Variants in NBEA observed in about 807,000 individuals in gnomAD.
NBEA encodes neurobeachin, also known as lysosomal-trafficking regulator 2.
NBEA carries 44 observed loss-of-function variants against 343.4 expected under a neutral mutation model. That is an observed-to-expected ratio of 0.13 (90% confidence interval 0.10 to 0.16). The LOEUF is 0.16. Among genes scored for constraint, NBEA ranks in the 10% least tolerant of loss-of-function variants. The pLI is 1.00. For missense variants in NBEA, 2,555 were observed against 3,631.3 expected (o/e 0.70, Z 7.62); for synonymous variants, 1,175 against 1,238.7 (o/e 0.95, Z 1.08).
At chr13:35,479,083 C>T (rs894001125) in intron 41 of NBEA, among the ~76,000 whole-genome samples, 7 of 152,238 alleles carry the variant, frequency 4.6e-5, no homozygotes, top group Non-Finnish European at 1.0e-4. Flanking sequence ...TAACGATTTG[C>T]ACTTTGAGAA....
chr13:35,094,979 A>G (rs775634595), intron 10 of NBEA, among the ~76,000 whole-genome samples: 43 of 151,888 alleles, frequency 2.8e-4, no homozygotes, highest in Non-Finnish European at 4.3e-4. Flanking sequence ...CTTCTTAATA[A>G]AAAGGTGTTT....
chr13:35,407,522 A>AC (rs2043336383), intron 38 of NBEA, among the ~76,000 whole-genome samples: 1 of 151,978 alleles, frequency 6.6e-6, no homozygotes, highest in Admixed American at 6.6e-5. Context: ...CATTTCAAAA[A>AC]AAAAAAAAAA....
chr13:35,037,610 G>T (rs1299603051), intron 1 of NBEA, among the ~76,000 whole-genome samples: 2 of 152,258 alleles, frequency 1.3e-5, no homozygotes, highest in East Asian at 1.9e-4. Flanking sequence ...ATGGTTTTGG[G>T]CAAGATCTGG....
chr13:35,491,751 A>G (rs931725690), intron 41 of NBEA, among the ~76,000 whole-genome samples: 1 of 151,976 alleles, frequency 6.6e-6, no homozygotes, highest in Non-Finnish European at 1.5e-5. Flanking sequence ...GCTAGGGAAC[A>G]TAGCTTCTCA....
chr13:35,606,671 A>G, intron 48 of NBEA, 93 bp downstream of exon 48: 4 of 959,420 alleles, frequency 4.2e-6, no homozygotes, highest in Non-Finnish European at 5.7e-6. Context: ...TAATATTACC[A>G]ATTATACTTA....
intron 41 of NBEA, among the ~76,000 whole-genome samples, chr13:35,518,884 G>A (rs2077588988): frequency 1.3e-5 from 2 of 152,164 alleles, no homozygotes; most frequent in South Asian, 2.1e-4. Flanking sequence ...CACTGCATGT[G>A]CTGCTGTGCA....
chr13:35,409,625 A>T, intron 38 of NBEA, among the ~76,000 whole-genome samples: 1 of 152,202 alleles, frequency 6.6e-6, no homozygotes, highest in Non-Finnish European at 1.5e-5. Flanking sequence ...ATAAGTTATC[A>T]TACTTTAACC....
At chr13:35,440,148 G>A (rs1205288507) in intron 39 of NBEA, among the ~76,000 whole-genome samples, 1 of 152,178 alleles carries the variant, frequency 6.6e-6, no homozygotes, top group African/African-American at 2.4e-5. Flanking sequence ...CCAAAGTGCT[G>A]GGGTTACAGG....
At chr13:35,068,241 C>G (rs1411245846) in intron 8 of NBEA, among the ~76,000 whole-genome samples, 1 of 152,014 alleles carries the variant, frequency 6.6e-6, no homozygotes, top group Non-Finnish European at 1.5e-5. Flanking sequence ...ATCATGGACT[C>G]AGAAAAACTA....
At chr13:35,251,652 GC>G in intron 34 of NBEA, 1 of 856,938 alleles carries the variant, frequency 1.2e-6, no homozygotes, top group Non-Finnish European at 1.6e-6. Flanking sequence ...AGGATGAGCA[GC>G]AGAAAGAGGC....
intron 39 of NBEA, among the ~76,000 whole-genome samples, chr13:35,437,584 A>ATT (rs534588665): frequency 6.5e-4 from 99 of 152,130 alleles, no homozygotes; most frequent in Middle Eastern, 3.4e-3. Context: ...GAGGCAGGTA[A>ATT]TTTTTTCCCT....
chr13:35,539,895 G>A (rs1441921874), intron 41 of NBEA, among the ~76,000 whole-genome samples: 4 of 102,804 alleles, frequency 3.9e-5, no homozygotes, highest in East Asian at 5.8e-4. Context: ...CAGCCTGGGC[G>A]ACAGAGCAAG....
chr13:35,595,337 G>A (rs1203676116), intron 47 of NBEA, among the ~76,000 whole-genome samples: 1 of 151,902 alleles, frequency 6.6e-6, no homozygotes, highest in Non-Finnish European at 1.5e-5. Flanking sequence ...ACACAAACAT[G>A]CAGCTTTTTT....
At chr13:35,543,491 AGTAAAGAATTG>A (rs1412321358) in intron 41 of NBEA, among the ~76,000 whole-genome samples, 1 of 152,158 alleles carries the variant, frequency 6.6e-6, no homozygotes, top group East Asian at 1.9e-4. Context: ...CCTCTTTGAA[AGTAAAGAATTG>A]GGAAAACATC....
intron 39 of NBEA, among the ~76,000 whole-genome samples, chr13:35,437,478 A>T (rs1594636581): frequency 6.6e-6 from 1 of 152,094 alleles, no homozygotes; most frequent in East Asian, 1.9e-4. Flanking sequence ...AATACTAATG[A>T]GTTGAATAAT....
At chr13:35,021,417 C>T (rs948447593) in intron 1 of NBEA, among the ~76,000 whole-genome samples, 7 of 152,144 alleles carry the variant, frequency 4.6e-5, no homozygotes, top group African/African-American at 1.7e-4. Context: ...TTCTTGTAAT[C>T]TCTGCCTTTT....
chr13:35,119,234 C>A (rs1456510009), intron 16 of NBEA, among the ~76,000 whole-genome samples: 1 of 152,000 alleles, frequency 6.6e-6, no homozygotes, highest in Non-Finnish European at 1.5e-5. Context: ...TTAAGGAATT[C>A]TTCGTTTTTA....
At chr13:35,005,867 T>G (rs969350118) in intron 1 of NBEA, among the ~76,000 whole-genome samples, 1 of 152,168 alleles carries the variant, frequency 6.6e-6, no homozygotes, top group Non-Finnish European at 1.5e-5. Context: ...AGGCTTCCCT[T>G]TTTTGTTTTG....
At chr13:35,108,634 C>T (rs1212966162) in intron 11 of NBEA, among the ~76,000 whole-genome samples, 1 of 151,972 alleles carries the variant, frequency 6.6e-6, no homozygotes, top group African/African-American at 2.4e-5. Flanking sequence ...TTGCAATATT[C>T]CAGCAGCTCA....
Sources: gnomAD v4.1 joint callset for allele counts (sites outside exome capture counted in the v4.1 genomes callset) on GRCh38, gnomAD v4.1.1 for gene constraint, MANE v1.5 for transcripts, NCBI Gene and HGNC (gene_info 2026-07-23, HGNC 2026-07-21) for gene names.